Variants in EIPR1 observed in about 807,000 individuals in gnomAD.
The protein encoded by EIPR1 is EARP complex and GARP complex interacting protein 1.
Under a neutral mutation model 48.1 loss-of-function variants are expected in EIPR1, and 25 were observed. The ratio of observed to expected loss-of-function variants is 0.52; its 90% CI spans 0.38 to 0.73. The LOEUF (loss-of-function observed/expected upper bound fraction) is 0.73, where lower values mean the gene tolerates loss of function less well. Among genes scored for constraint, EIPR1 ranks in the 30% least tolerant of loss-of-function variants. The pLI, the probability that EIPR1 is intolerant of heterozygous loss-of-function variation, is 0.00. For missense variants in EIPR1, 415 were observed against 506.2 expected (o/e 0.82, Z 1.73); for synonymous variants, 204 against 201.9 (o/e 1.01, Z -0.09).
At chr2:3,296,116 C>A (rs1171037719) in intron 3 of EIPR1, among the ~76,000 whole-genome samples, 4 of 121,408 alleles carry the variant, frequency 3.3e-5, no homozygotes, top group East Asian at 2.9e-4. Context: ...ACACACACAC[C>A]CTCCATCCAG....
intron 4 of EIPR1, among the ~76,000 whole-genome samples, chr2:3,244,010 G>A (rs768812375): frequency 9.2e-5 from 14 of 152,284 alleles, no homozygotes; most frequent in South Asian, 2.1e-4. Flanking sequence ...GTCCTCTCTC[G>A]GGTTCACATG....
intron 3 of EIPR1, among the ~76,000 whole-genome samples, chr2:3,317,601 C>T (rs1306697710): frequency 6.6e-6 from 1 of 152,222 alleles, no homozygotes; most frequent in East Asian, 1.9e-4. Context: ...TAAATAAACA[C>T]ACTGAAGACT....
At chr2:3,357,958 T>G (rs1278652117) in intron 1 of EIPR1, among the ~76,000 whole-genome samples, 2 of 152,226 alleles carry the variant, frequency 1.3e-5, no homozygotes, top group African/African-American at 4.8e-5. Context: ...GGTTTCTGAC[T>G]TACAGAACCG....
intron 1 of EIPR1, among the ~76,000 whole-genome samples, chr2:3,374,546 A>T (rs1196488622): frequency 1.3e-5 from 2 of 152,196 alleles, no homozygotes; most frequent in African/African-American, 4.8e-5. Context: ...AAAAACAAAA[A>T]ACCCCATCAA....
At chr2:3,207,183 A>G (rs1342135706) in intron 5 of EIPR1, among the ~76,000 whole-genome samples, 1 of 152,144 alleles carries the variant, frequency 6.6e-6, no homozygotes, top group East Asian at 1.9e-4. Flanking sequence ...CATCTACCTG[A>G]CAGGCACACA....
Position 3,189,240 on chromosome 2 carries a change from T to C in EIPR1, c.*94A>G. 7.6e-7 allele frequency: 1 copy of C among 1,317,920 alleles called. No individual in the cohort carries two copies. The highest frequency in any genetic ancestry group is 1.0e-6 in the Non-Finnish European group (1 of 993,554). 81.6% of individuals were successfully genotyped at this position (1,317,920 alleles called of 1,614,324 possible). A position where few individuals can be genotyped will look rare whatever the true frequency, so the allele number is the denominator to read the frequency against. On this transcript the variant is annotated 3_prime_UTR_variant, in exon 9 of 9. Transcript: ENST00000382125. The surrounding 1 kb of genome is among the most constrained non-coding windows in gnomAD (Gnocchi z 4.6). ...CGGCTCTCCCAGAGAGGGATCCACC[T>C]GGAACACGAGTCACCTCCAAAGAGC...
At chr2:3,338,379 G>GT (rs1670130942) in intron 2 of EIPR1, among the ~76,000 whole-genome samples, 1 of 152,196 alleles carries the variant, frequency 6.6e-6, no homozygotes, top group Non-Finnish European at 1.5e-5. Flanking sequence ...TGCAAGCTAC[G>GT]TAAGACTGCC....
chr2:3,202,611 C>T (rs555389072), intron 5 of EIPR1, among the ~76,000 whole-genome samples: 17 of 152,244 alleles, frequency 1.1e-4, no homozygotes, highest in African/African-American at 2.4e-4. Flanking sequence ...CTCGTGTGTG[C>T]GAAACACCAC....
chr2:3,237,403 C>A (rs1158573150), intron 4 of EIPR1, among the ~76,000 whole-genome samples: 1 of 152,204 alleles, frequency 6.6e-6, no homozygotes, highest in Non-Finnish European at 1.5e-5. Context: ...ACCACATTCA[C>A]AGAACCTTTA....
At chr2:3,358,209 A>T (rs1670774768) in intron 1 of EIPR1, among the ~76,000 whole-genome samples, 1 of 152,208 alleles carries the variant, frequency 6.6e-6, no homozygotes, top group South Asian at 2.1e-4. Flanking sequence ...AGTTAAGAGA[A>T]ACAAGTGAAC....
intron 3 of EIPR1, among the ~76,000 whole-genome samples, chr2:3,262,672 A>G (rs1033661921): frequency 6.6e-6 from 1 of 152,212 alleles, no homozygotes; most frequent in African/African-American, 2.4e-5. Flanking sequence ...GACTTTGTGG[A>G]GAGCCCGGTT....
rs545238846 is a variant in EIPR1, at chr2:3,235,120, T to C, written c.417-20872A>G. On this transcript the variant is annotated intron_variant, in intron 4 of 8. Coordinates refer to ENST00000382125, the MANE Select transcript of EIPR1 (RefSeq NM_003310.5). The stretch of plus-strand genomic sequence containing the variant: ...ACATGCAAACTTGCACATCAAAAAC[T>C]CTGGAAGATGCAAATTGAAAAGGAA... Among the ~76,000 whole-genome samples, 3 of 152,352 alleles carry C rather than the reference T, an allele frequency of 2.0e-5. No homozygotes were observed. In the South Asian group the frequency reaches 6.2e-4, roughly 32 times the overall value.
chr2:3,249,519 T>G (rs577570904), intron 4 of EIPR1, among the ~76,000 whole-genome samples: 32 of 152,200 alleles, frequency 2.1e-4, no homozygotes, highest in Non-Finnish European at 4.4e-4. Flanking sequence ...CAAAGCATAA[T>G]GTTTGGAAAA....
chr2:3,316,759 G>A (rs761912557), intron 3 of EIPR1, among the ~76,000 whole-genome samples: 6 of 152,206 alleles, frequency 3.9e-5, no homozygotes, highest in East Asian at 1.9e-4. Flanking sequence ...CAGAACAGAC[G>A]CTAGCCAGGC....
chr2:3,311,176 C>G (rs917202313), intron 3 of EIPR1, among the ~76,000 whole-genome samples: 1 of 152,110 alleles, frequency 6.6e-6, no homozygotes, highest in Non-Finnish European at 1.5e-5. Context: ...GTAGAACGGT[C>G]TCTATCAACA....
In EIPR1 at chr2:3,189,131, G is replaced by A; in HGVS notation, c.*203C>T. 2.3e-6 allele frequency: 1 copy of A among 436,190 alleles called. No individual in the cohort carries two copies. Among genetic ancestry groups the A allele is most frequent in the Non-Finnish European group, 4.0e-6 (1 of 251,232 alleles). The allele number at this position is 436,190 out of a possible 1,614,324, so 27.0% of individuals were successfully genotyped here. A position where few individuals can be genotyped will look rare whatever the true frequency, so the allele number is the denominator to read the frequency against. ...GTGGGGCTCTGTCTCTGCCGACAGG[G>A]GCTGGGTTCGGGCATTAGCTGTGCC... is the stretch of plus-strand genomic sequence containing the variant. On this transcript the variant is annotated 3_prime_UTR_variant, in exon 9 of 9. Transcript: ENST00000382125. This position sits in a 1 kb window ranked among gnomAD's most constrained non-coding sequence, Gnocchi z 4.6.
At chr2:3,372,219 A>G (rs1006716496) in intron 1 of EIPR1, among the ~76,000 whole-genome samples, 3 of 151,056 alleles carry the variant, frequency 2.0e-5, no homozygotes, top group African/African-American at 7.3e-5. Context: ...AATCTCTGGG[A>G]CACATTCAAA....
chr2:3,287,269 ATTCACCACACTCCAGAAAGCTCG>A (rs1355240720), intron 3 of EIPR1, among the ~76,000 whole-genome samples: 2,325 of 75,568 alleles, frequency 0.031, 34 homozygotes, highest in Middle Eastern at 0.22. Context: ...CAGAAAGCTC[ATTCACCACACTCCAGAAAGCTCG>A]TTCACCACAC....
intron 3 of EIPR1, among the ~76,000 whole-genome samples, chr2:3,315,049 G>A (rs1209038481): frequency 8.4e-5 from 4 of 47,588 alleles, no homozygotes; most frequent in Admixed American, 1.8e-4. Flanking sequence ...CCCGCCACCC[G>A]CCCCCAACAC....
Sources: allele counts gnomAD v4.1 joint callset (sites outside exome capture counted in the v4.1 genomes callset), GRCh38; gene constraint gnomAD v4.1.1; non-coding constraint Gnocchi (gnomAD v3.1); transcripts MANE v1.5; gene names NCBI Gene and HGNC (gene_info 2026-07-23, HGNC 2026-07-21).